HELQ: variants seen among roughly 807,000 people sequenced by gnomAD.
The protein encoded by HELQ is helicase, POLQ like, also known as helicase POLQ-like.
In HELQ, 77 loss-of-function variants were observed where a neutral mutation model predicts 111.6. The ratio of observed to expected loss-of-function variants is 0.69; its 90% CI spans 0.57 to 0.83. HELQ has a LOEUF of 0.83. Among genes scored for constraint, HELQ ranks in the 40% least tolerant of loss-of-function variants. The pLI, the probability that HELQ is intolerant of heterozygous loss-of-function variation, is 0.00. For synonymous variants in HELQ, 438 were observed against 454.7 expected (o/e 0.96, Z 0.47); for missense variants, 1,200 against 1,288.5 (o/e 0.93, Z 1.05).
intron 8 of HELQ, among the ~76,000 whole-genome samples, chr4:83,438,223 CA>C (rs1420110036): frequency 6.6e-6 from 1 of 152,172 alleles, no homozygotes; most frequent in Non-Finnish European, 1.5e-5. Context: ...AGTGATACAG[CA>C]TTAGCTAAGG....
intron 9 of HELQ, among the ~76,000 whole-genome samples, chr4:83,435,973 C>CA (rs5859872): frequency 0.077 from 10,919 of 142,562 alleles, 1,273 homozygotes; most frequent in African/African-American, 0.25. Flanking sequence ...ACATACGTGG[C>CA]AAAAAAAAAA....
Position 83,439,868 on chromosome 4 carries a change from T to C in HELQ, c.1803A>G (p.Leu601=). The C allele has an allele frequency of 6.4e-7, 1 of 1,572,602 alleles. No homozygotes were observed. The highest frequency in any genetic ancestry group is 8.7e-7 in the Non-Finnish European group (1 of 1,147,282). Residue 601 remains leucine, a synonymous_variant, in exon 8 of 18, where the codon TTA becomes TTG. Transcript: ENST00000295488. ...ENVAEMICKF[L]SKEYLKHKEK... is the part of the protein sequence containing the mutation. Reference sequence around the variant, plus strand: ...TTTAAAAAATATTAACATACTTGCTTAAAAATTTGCATATCATTTCTGCTA... The same window carrying C: ...TTTAAAAAATATTAACATACTTGCTCAAAAATTTGCATATCATTTCTGCTA...
intron 17 of HELQ, among the ~76,000 whole-genome samples, chr4:83,410,230 C>CA (rs34416094): frequency 0.013 from 1,903 of 152,220 alleles, 43 homozygotes; most frequent in African/African-American, 0.043. Flanking sequence ...GCCTGGGTGA[C>CA]AGAGACCTAG....
At position 83,446,954 on chromosome 4, in the gene HELQ, T is replaced by C; in HGVS notation, c.1273A>G (p.Thr425Ala). ...YAGSKGRFPP[T>A]KRREKKSLYI... ...AGTGATTTCTTTTCCCTTCTTTTAGTTGGAGGAAATCTTCCTTTGCTTCCA... is the reference window on the plus strand; with the variant it reads ...AGTGATTTCTTTTCCCTTCTTTTAGCTGGAGGAAATCTTCCTTTGCTTCCA... Residue 425 changes from threonine (T) to alanine (A), a missense_variant, in exon 4 of 18, where the codon ACT becomes GCT. This residue lies in a region of HELQ where 610 missense variants were observed against 607.1 expected (regional missense o/e 1.00). Coordinates refer to ENST00000295488, the MANE Select transcript of HELQ (RefSeq NM_133636.5). 6.2e-7 allele frequency: 1 copy of C among 1,613,452 alleles called. No homozygotes were observed. Among genetic ancestry groups the C allele is most frequent in the African/African-American group, 1.3e-5 (1 of 75,056 alleles).
At chr4:83,447,578 C>T (rs1299370575) in intron 3 of HELQ, among the ~76,000 whole-genome samples, 1 of 151,930 alleles carries the variant, frequency 6.6e-6, no homozygotes, top group Admixed American at 6.6e-5. Context: ...CAAAAAGCAT[C>T]AGGGGTGTGT....
chr4:83,450,043 C>T (rs1345448573), intron 2 of HELQ, among the ~76,000 whole-genome samples: 1 of 151,312 alleles, frequency 6.6e-6, no homozygotes, highest in Admixed American at 6.6e-5. Context: ...TTTTGGGATT[C>T]TACATCTATA....
chr4:83,441,615 C>G (rs1720759779), intron 6 of HELQ, among the ~76,000 whole-genome samples: 1 of 152,032 alleles, frequency 6.6e-6, no homozygotes, highest in Non-Finnish European at 1.5e-5. Flanking sequence ...AAATAGAGAT[C>G]AATATCCTTG....
chr4:83,440,151 G>C (rs1290906996), intron 7 of HELQ, 143 bp from the exon 8 acceptor site: 2 of 611,768 alleles, frequency 3.3e-6, no homozygotes, highest in Admixed American at 3.7e-5. Context: ...TAAAAGAAAA[G>C]ATGAAATCTA....
At chr4:83,442,774 A>G (rs1048188151) in intron 6 of HELQ, among the ~76,000 whole-genome samples, 2 of 150,922 alleles carry the variant, frequency 1.3e-5, no homozygotes, top group African/African-American at 4.9e-5. Context: ...CTGGTCTTGA[A>G]CTCCTGGACT....
At chr4:83,447,859 CAAA>C (rs112143320) in intron 3 of HELQ, among the ~76,000 whole-genome samples, 2 of 76,488 alleles carry the variant, frequency 2.6e-5, no homozygotes, top group Non-Finnish European at 2.9e-5. Flanking sequence ...AAGACTGTCT[CAAA>C]AAAAAAAAAA....
intron 17 of HELQ, among the ~76,000 whole-genome samples, chr4:83,412,615 C>T (rs1195925499): frequency 1.3e-5 from 2 of 152,118 alleles, no homozygotes; most frequent in African/African-American, 4.8e-5. Context: ...TGCTTGAGGC[C>T]CGGAGTTCAA....
intron 17 of HELQ, among the ~76,000 whole-genome samples, chr4:83,408,375 T>C (rs1738904158): frequency 6.6e-6 from 1 of 151,938 alleles, no homozygotes; most frequent in South Asian, 2.1e-4. Flanking sequence ...GCCTCAGCCT[T>C]CTGAGTAGCT....
chr4:83,454,989 A>G (rs1388927884), intron 1 of HELQ, among the ~76,000 whole-genome samples: 1 of 152,240 alleles, frequency 6.6e-6, no homozygotes, highest in Non-Finnish European at 1.5e-5. Context: ...AGGCAGCAAT[A>G]TAGTAAAGTG....
chr4:83,447,135 C>T (rs1482115824), intron 3 of HELQ, 100 bp from the exon 4 acceptor site: 5 of 783,744 alleles, frequency 6.4e-6, no homozygotes, highest in Non-Finnish European at 1.0e-5. Flanking sequence ...ATCACTTGAG[C>T]CCAGGAAGGT....
At chr4:83,422,333 A>G (rs1466832167) in intron 14 of HELQ, among the ~76,000 whole-genome samples, 2 of 152,234 alleles carry the variant, frequency 1.3e-5, no homozygotes, top group East Asian at 3.8e-4. Flanking sequence ...TCACTCCACA[A>G]AAAGAAATGT....
intron 17 of HELQ, among the ~76,000 whole-genome samples, chr4:83,408,458 G>A (rs1162948733): frequency 6.6e-6 from 1 of 151,706 alleles, no homozygotes; most frequent in Non-Finnish European, 1.5e-5. Flanking sequence ...TCACCATGTT[G>A]GCCAGGATGG....
At position 83,448,897 on chromosome 4, in the gene HELQ, C is replaced by T; in HGVS notation, c.1077G>A (p.Leu359=). ...VQERKNLIYS[L]PTSGGKTLVA... ...CGAGGGTTTTTCCACCACTTGTTGGCAAGGAATATATTAAATTTTTTCTTT... is the reference window on the plus strand; with the variant it reads ...CGAGGGTTTTTCCACCACTTGTTGGTAAGGAATATATTAAATTTTTTCTTT... The change falls in exon 3 of 18, where the codon TTG becomes TTA. Residue 359 remains leucine, a synonymous_variant. Transcript: ENST00000295488. 6.2e-7 allele frequency: 1 copy of T among 1,612,610 alleles called. No individual in the cohort carries two copies. Among genetic ancestry groups the T allele is most frequent in the Non-Finnish European group, 8.5e-7 (1 of 1,179,034 alleles).
chr4:83,452,551 TGTGA>T (rs1296215482), intron 2 of HELQ, among the ~76,000 whole-genome samples: 3 of 152,190 alleles, frequency 2.0e-5, no homozygotes, highest in Non-Finnish European at 2.9e-5. Flanking sequence ...ACTCAAGACA[TGTGA>T]GTGTCAAAGA....
chr4:83,454,210 C>T (rs1006834471), intron 1 of HELQ, among the ~76,000 whole-genome samples: 13 of 152,114 alleles, frequency 8.5e-5, no homozygotes, highest in South Asian at 4.2e-4. Flanking sequence ...CTCAAAAAAA[C>T]CAAAACAAAC....
Sources: allele counts gnomAD v4.1 joint callset (sites outside exome capture counted in the v4.1 genomes callset), GRCh38; gene constraint gnomAD v4.1.1; regional missense constraint gnomAD v4.1.1; transcripts MANE v1.5; gene names NCBI Gene and HGNC (gene_info 2026-07-23, HGNC 2026-07-21).